ZNF143: variants seen among roughly 807,000 people sequenced by gnomAD.
ZNF143 encodes the protein SPH-binding factor.
A neutral mutation model predicts 74.1 loss-of-function variants in ZNF143; 49 were observed. The ratio of observed to expected loss-of-function variants is 0.66; its 90% CI spans 0.53 to 0.84. ZNF143 has a LOEUF of 0.84. Among genes scored for constraint, ZNF143 ranks in the 40% least tolerant of loss-of-function variants. The pLI is 0.00. For missense variants in ZNF143, 637 were observed against 793.4 expected, an observed-to-expected ratio of 0.80 and a Z score of 2.37; for synonymous variants, 304 against 282.8, an observed-to-expected ratio of 1.07 and a Z score of -0.75.
At chr11:9,527,330 A>C (rs978587987) in intron 15 of ZNF143, among the ~76,000 whole-genome samples, 200 bp from the exon 16 acceptor site, 7 of 152,330 alleles carry the variant, frequency 4.6e-5, no homozygotes, top group African/African-American at 1.7e-4. Context: ...CAAAAAAGAA[A>C]AAGAAATTGC....
At chr11:9,520,026 T>C (rs1019022939) in intron 14 of ZNF143, among the ~76,000 whole-genome samples, 16 of 58,416 alleles carry the variant, frequency 2.7e-4, no homozygotes, top group African/African-American at 1.7e-3. Flanking sequence ...TTTCCACCAA[T>C]TTTTTTTTTT....
chr11:9,494,361 A>G (rs543581397), intron 7 of ZNF143, among the ~76,000 whole-genome samples: 1 of 152,296 alleles, frequency 6.6e-6, no homozygotes, highest in South Asian at 2.1e-4. Context: ...GCTGGAGTGC[A>G]ATGGTACAAT....
intron 7 of ZNF143, among the ~76,000 whole-genome samples, chr11:9,491,713 C>G (rs563852288): frequency 1.3e-5 from 2 of 152,210 alleles, no homozygotes; most frequent in South Asian, 4.1e-4. Flanking sequence ...TCGCTGCAGC[C>G]TAACCTCCTG....
At chr11:9,487,062 G>C (rs775881589) in intron 7 of ZNF143, among the ~76,000 whole-genome samples, 6 of 148,614 alleles carry the variant, frequency 4.0e-5, no homozygotes, top group Non-Finnish European at 7.4e-5. Context: ...CACCTCCCAG[G>C]TTCAAGCAAT....
At chr11:9,489,423 T>TA (rs1847684743) in intron 7 of ZNF143, among the ~76,000 whole-genome samples, 1 of 152,174 alleles carries the variant, frequency 6.6e-6, no homozygotes, top group African/African-American at 2.4e-5. Flanking sequence ...CCTAAGTTCT[T>TA]AAAGTCTCCA....
chr11:9,501,310 C>T, intron 11 of ZNF143, 40 bp downstream of exon 11: 6 of 1,592,272 alleles, frequency 3.8e-6, no homozygotes, highest in Non-Finnish European at 5.1e-6. Context: ...TCTTTCAAGG[C>T]TCAGTTTAAC....
intron 1 of ZNF143, among the ~76,000 whole-genome samples, chr11:9,465,700 C>T (rs141157312): frequency 0.051 from 7,544 of 149,220 alleles, 263 homozygotes; most frequent in Non-Finnish European, 0.076. Context: ...TTGGTAGAGA[C>T]GGGGTTTCAC....
chr11:9,476,187 T>A (rs1434540533), intron 5 of ZNF143, among the ~76,000 whole-genome samples: 1 of 151,964 alleles, frequency 6.6e-6, no homozygotes, highest in Non-Finnish European at 1.5e-5. Context: ...AGCAGATTAC[T>A]TTTCTGTGCT....
chr11:9,489,557 GTA>G (rs1565042186), intron 7 of ZNF143, among the ~76,000 whole-genome samples: 1 of 152,012 alleles, frequency 6.6e-6, no homozygotes, highest in Non-Finnish European at 1.5e-5. Flanking sequence ...CAAATTCCTG[GTA>G]TATGTTTCAT....
At chr11:9,466,106 C>G (rs1201966963) in intron 1 of ZNF143, among the ~76,000 whole-genome samples, 2 of 151,730 alleles carry the variant, frequency 1.3e-5, no homozygotes, top group Non-Finnish European at 2.9e-5. Flanking sequence ...CCTCAGCATC[C>G]TGAGTATCTG....
chr11:9,471,289 A>AT lies in ZNF143; in HGVS notation c.-7-8dup. 1 of 1,581,204 alleles carries AT rather than the reference A, an allele frequency of 6.3e-7. No homozygotes were observed. The highest frequency in any genetic ancestry group is 8.6e-7 in the Non-Finnish European group (1 of 1,165,052). ...TCATTCTTTGTTCCCAAGTGTCTTTATTTTTCTTCAAGGTAGAAGATGTTG... is the reference window on the plus strand; with the variant it reads ...TCATTCTTTGTTCCCAAGTGTCTTTATTTTTTCTTCAAGGTAGAAGATGTTG... On this transcript the variant is annotated splice_polypyrimidine_tract_variant and intron_variant, in intron 1 of 15. Transcript: ENST00000396602.
intron 1 of ZNF143, among the ~76,000 whole-genome samples, chr11:9,466,014 G>A (rs1427561518): frequency 2.7e-5 from 4 of 146,090 alleles, no homozygotes; most frequent in African/African-American, 1.0e-4. Flanking sequence ...TTTTTTGAGA[G>A]GGAGTTCACC....
intron 15 of ZNF143, among the ~76,000 whole-genome samples, chr11:9,525,940 G>T (rs970041491): frequency 2.6e-5 from 4 of 152,072 alleles, no homozygotes; most frequent in African/African-American, 9.7e-5. Context: ...TTAGGAATTA[G>T]AGACCAGCCT....
chr11:9,520,530 T>A (rs951800169), intron 14 of ZNF143, among the ~76,000 whole-genome samples: 2 of 151,918 alleles, frequency 1.3e-5, no homozygotes, highest in Non-Finnish European at 2.9e-5. Flanking sequence ...CAGTGGCTCA[T>A]GCCTGTAATC....
At chr11:9,477,241 T>TTCCCTC (rs1856984905) in intron 5 of ZNF143, among the ~76,000 whole-genome samples, 2 of 128,444 alleles carry the variant, frequency 1.6e-5, no homozygotes, top group African/African-American at 5.9e-5. Flanking sequence ...TTCCTTCCCT[T>TTCCCTC]CCTTCCCTTC....
At chr11:9,507,482 C>CA (rs1362915470) in intron 11 of ZNF143, among the ~76,000 whole-genome samples, 1 of 152,172 alleles carries the variant, frequency 6.6e-6, no homozygotes, top group Non-Finnish European at 1.5e-5. Flanking sequence ...CTACAGTAAA[C>CA]AAGCCTACTA....
chr11:9,473,887 A>G, intron 3 of ZNF143, 54 bp from the exon 4 acceptor site: 1 of 1,612,906 alleles, frequency 6.2e-7, no homozygotes, highest in Non-Finnish European at 8.5e-7. Flanking sequence ...GAAATTGTAT[A>G]AAGTTTAAAA....
intron 7 of ZNF143, among the ~76,000 whole-genome samples, chr11:9,484,815 T>TTTTTTTTTTTTTTG (rs59421396): frequency 7.3e-6 from 1 of 136,350 alleles, no homozygotes. Flanking sequence ...TTTTTTTTTT[T>TTTTTTTTTTTTTTG]GAGACGGAGT....
chr11:9,475,235 AAT>A (rs1232840943), intron 5 of ZNF143, among the ~76,000 whole-genome samples: 1 of 152,152 alleles, frequency 6.6e-6, no homozygotes, highest in African/African-American at 2.4e-5. Flanking sequence ...ATAAAATCAC[AAT>A]GTAACATTGA....
Sources: allele counts gnomAD v4.1 joint callset (sites outside exome capture counted in the v4.1 genomes callset), GRCh38; gene constraint gnomAD v4.1.1; transcripts MANE v1.5; gene names NCBI Gene and HGNC (gene_info 2026-07-23, HGNC 2026-07-21).